The following HMGN3 variants were observed in gnomAD, a reference collection of about 807,000 sequenced individuals.
The protein encoded by HMGN3 is high mobility group nucleosomal binding domain 3, also known as high mobility group nucleosome-binding domain-containing protein 3.
In HMGN3, 6 loss-of-function variants were observed where a neutral mutation model predicts 18.8. The observed-to-expected ratio is 0.32, with a 90% CI of 0.18 to 0.63. HMGN3 has a LOEUF of 0.63. Ranked by LOEUF, HMGN3 falls within the 30% of genes least tolerant of loss-of-function variation. HMGN3 has a pLI of 0.79. For synonymous variants in HMGN3, 40 were observed against 36.5 expected, an observed-to-expected ratio of 1.10 and a Z score of -0.35; for missense variants, 107 against 114.2, an observed-to-expected ratio of 0.94 and a Z score of 0.29.
intron 1 of HMGN3, chr6:79,234,262 C>A: frequency 2.9e-6 from 1 of 348,588 alleles, no homozygotes; most frequent in Non-Finnish European, 5.2e-6. Context: ...GCTTTTGCTT[C>A]TTGTTGTTGG....
intron 1 of HMGN3, among the ~76,000 whole-genome samples, chr6:79,232,152 G>A (rs868459688): frequency 3.3e-5 from 5 of 152,222 alleles, no homozygotes; most frequent in Admixed American, 1.3e-4. Context: ...AAAATATTGT[G>A]TAGTATGTAA....
rs562088721 is a variant in HMGN3, at chr6:79,233,720, G to A, written c.15+826C>T. 1,254 of 152,430 alleles carry A rather than the reference G, an allele frequency of 8.2e-3. 9 individuals are homozygous for A. Among genetic ancestry groups the A allele is most frequent in the Middle Eastern group, 0.02 (6 of 294 alleles). 9.4% of individuals were successfully genotyped at this position (152,430 alleles called of 1,614,324 possible). On this transcript the variant is annotated intron_variant, in intron 1 of 5. Coordinates refer to ENST00000344726, the Ensembl canonical transcript of HMGN3. ...GCGCAGAAGAGGACAGTCCGCAAGGGGCGGAAGACAAGACAAAAATGACTC... is the reference window on the plus strand; with the variant it reads ...GCGCAGAAGAGGACAGTCCGCAAGGAGCGGAAGACAAGACAAAAATGACTC...
At chr6:79,222,191 C>T (rs1777330565) in intron 1 of HMGN3, among the ~76,000 whole-genome samples, 2 of 152,098 alleles carry the variant, frequency 1.3e-5, no homozygotes, top group Admixed American at 6.5e-5. Context: ...TTTCTTTTAA[C>T]CTAGGGAGTG....
At chr6:79,212,314 G>A (rs1776733874) in intron 2 of HMGN3, among the ~76,000 whole-genome samples, 1 of 152,122 alleles carries the variant, frequency 6.6e-6, no homozygotes, top group African/African-American at 2.4e-5. Flanking sequence ...TTAAAATAGG[G>A]ATAACATCTG....
intron 1 of HMGN3, among the ~76,000 whole-genome samples, chr6:79,228,025 G>A (rs1271470406): frequency 1.3e-5 from 2 of 152,156 alleles, no homozygotes; most frequent in African/African-American, 2.4e-5. Context: ...GACAACTTCT[G>A]AAACACAACA....
chr6:79,232,418 C>T (rs1005026168), intron 1 of HMGN3, among the ~76,000 whole-genome samples: 5 of 152,098 alleles, frequency 3.3e-5, no homozygotes, highest in African/African-American at 1.2e-4. Flanking sequence ...AAATGGAAAG[C>T]CTTCCTATTA....
chr6:79,229,421 A>C (rs1405476734), intron 1 of HMGN3, among the ~76,000 whole-genome samples: 1 of 152,228 alleles, frequency 6.6e-6, no homozygotes, highest in Non-Finnish European at 1.5e-5. Context: ...TTATGCTAGT[A>C]AACACGTGAA....
rs752398667 is a variant in HMGN3, at chr6:79,234,525, T to C, written c.15+21A>G. On this transcript the variant is annotated intron_variant, in intron 1 of 5. Coordinates refer to ENST00000344726, the Ensembl canonical transcript of HMGN3. ...AAGCAGAATTTGAAGGCTTTTGAAA[T>C]CTTTTTTTGGTAAGACTTACCTTTC... 23 of 1,609,772 alleles carry C rather than the reference T, an allele frequency of 1.4e-5. No homozygotes were observed. The South Asian group carries it at 2.5e-4, about 18-fold the overall frequency.
At chr6:79,220,603 C>T (rs1276272755) in intron 1 of HMGN3, among the ~76,000 whole-genome samples, 4 of 152,126 alleles carry the variant, frequency 2.6e-5, no homozygotes, top group East Asian at 1.9e-4. Context: ...CGTGCCACCA[C>T]ACCTGGCTAA....
At chr6:79,224,492 A>T (rs1016571760) in intron 1 of HMGN3, among the ~76,000 whole-genome samples, 1 of 152,186 alleles carries the variant, frequency 6.6e-6, no homozygotes, top group Admixed American at 6.5e-5. Flanking sequence ...AGTTGAACAA[A>T]ATTTTAGTAT....
At chr6:79,208,565 C>A (rs114465555) in exon 3 of HMGN3, 1 of 1,610,742 alleles carries the variant, frequency 6.2e-7, no homozygotes, top group Admixed American at 1.7e-5. Flanking sequence ...ATCTGGCAGA[C>A]CGTCTTGTGG....
intron 4 of HMGN3, 24 bp from the exon 5 acceptor site, chr6:79,202,413 G>C (rs775893259): frequency 6.4e-7 from 1 of 1,558,898 alleles, no homozygotes; most frequent in Non-Finnish European, 8.8e-7. Context: ...AAAGCACAGT[G>C]AAAGAGAATG....
rs1013206418 is a variant in HMGN3, at chr6:79,223,707, T to A, written c.16-8685A>T. 2.0e-5 allele frequency among the ~76,000 whole-genome samples: 3 copies of A among 150,886 alleles called. No individual in the cohort carries two copies. In the Admixed American group the frequency reaches 2.0e-4, roughly 10 times the overall value. ...AGAAGTTTAAATATTTTAAACCTCT[T>A]TGGTCTGAGCTGTCCCTTTCACTAG... On this transcript the variant is annotated intron_variant, in intron 1 of 5. Transcript: ENST00000344726.
At chr6:79,209,517 C>CA (rs1776578449) in intron 2 of HMGN3, among the ~76,000 whole-genome samples, 2 of 152,302 alleles carry the variant, frequency 1.3e-5, no homozygotes, top group African/African-American at 4.8e-5. Context: ...GGGTACTGGC[C>CA]AACATATAGT....
intron 5 of HMGN3, 90 bp from the exon 7 acceptor site, chr6:79,201,816 G>T: frequency 1.3e-6 from 2 of 1,527,662 alleles, no homozygotes; most frequent in South Asian, 2.5e-5. Flanking sequence ...ACACAGTTTT[G>T]AACATTTGTT....
chr6:79,225,515 G>C (rs568144795), intron 1 of HMGN3, among the ~76,000 whole-genome samples: 1 of 152,192 alleles, frequency 6.6e-6, no homozygotes, highest in African/African-American at 2.4e-5. Flanking sequence ...CAGTCCCTAA[G>C]TAATGACAGC....
chr6:79,208,425 A>G (rs1289666186), intron 3 of HMGN3, 122 bp downstream of exon 3: 4 of 851,898 alleles, frequency 4.7e-6, no homozygotes, highest in Non-Finnish European at 7.9e-6. Flanking sequence ...GACCCTAGGT[A>G]ATTTTCAAAA....
intron 1 of HMGN3, among the ~76,000 whole-genome samples, chr6:79,216,058 T>A (rs771431533): frequency 1.3e-5 from 2 of 152,114 alleles, no homozygotes; most frequent in Non-Finnish European, 2.9e-5. Context: ...ATTCAAGAGA[T>A]CATAAAACCC....
chr6:79,202,512 T>G (rs566358072), intron 4 of HMGN3, 123 bp from the exon 5 acceptor site: 1 of 793,438 alleles, frequency 1.3e-6, no homozygotes, highest in South Asian at 1.6e-5. Context: ...GTGGCCTTTA[T>G]GGAGACACGG....
Sources: gnomAD v4.1 joint callset for allele counts (sites outside exome capture counted in the v4.1 genomes callset) on GRCh38, gnomAD v4.1.1 for gene constraint, MANE v1.5 for transcripts, NCBI Gene and HGNC (gene_info 2026-07-23, HGNC 2026-07-21) for gene names.